RHBDD1: variants seen among roughly 807,000 people sequenced by gnomAD.
RHBDD1 encodes rhomboid domain containing 1, also known as rhomboid-related protein 4.
Under a neutral mutation model 36.3 loss-of-function variants are expected in RHBDD1, and 38 were observed. The ratio of observed to expected loss-of-function variants is 1.05; its 90% CI spans 0.81 to 1.37. The LOEUF (loss-of-function observed/expected upper bound fraction) is 1.37. Among genes scored for constraint, RHBDD1 ranks in the 40% most tolerant of loss-of-function variants. The probability of loss-of-function intolerance (pLI) is 0.00; values close to 1 mark genes in which losing one functional copy is unlikely to be tolerated. For missense variants in RHBDD1, 393 were observed against 377.6 expected, an observed-to-expected ratio of 1.04 and a Z score of -0.34; for synonymous variants, 151 against 136.5, an observed-to-expected ratio of 1.11 and a Z score of -0.74.
chr2:226,849,843 A>G (rs1275546208), intron 3 of RHBDD1, among the ~76,000 whole-genome samples: 1 of 152,236 alleles, frequency 6.6e-6, no homozygotes, highest in African/African-American at 2.4e-5. Flanking sequence ...AGTCATTCAC[A>G]GTGATAGCTC....
chr2:226,913,043 T>C (rs930636542), intron 7 of RHBDD1, among the ~76,000 whole-genome samples: 1 of 152,190 alleles, frequency 6.6e-6, no homozygotes. Context: ...TCATAAAGAA[T>C]ACAACAGTAA....
intron 5 of RHBDD1, among the ~76,000 whole-genome samples, chr2:226,879,003 G>T (rs1377216378): frequency 7.1e-6 from 1 of 141,240 alleles, no homozygotes; most frequent in African/African-American, 2.7e-5. Context: ...TAAATCAGTG[G>T]TTTTCAACTG....
chr2:226,864,235 A>G (rs967481948), intron 3 of RHBDD1, among the ~76,000 whole-genome samples: 2 of 152,174 alleles, frequency 1.3e-5, no homozygotes, highest in Non-Finnish European at 2.9e-5. Flanking sequence ...TGGAGGGGAT[A>G]AAGAATCCTG....
chr2:226,830,224 CATGA>C, the RHBDD1 span, among the ~76,000 whole-genome samples: 2 of 152,162 alleles, frequency 1.3e-5, no homozygotes, highest in South Asian at 2.1e-4. Flanking sequence ...ACAAAACTCT[CATGA>C]ATGAGATCGT....
chr2:226,817,398 G>C, the RHBDD1 span, among the ~76,000 whole-genome samples: 1 of 152,150 alleles, frequency 6.6e-6, no homozygotes, highest in Non-Finnish European at 1.5e-5. Context: ...CCTTATAGTA[G>C]TCAATCAAAA....
At chr2:226,970,043 C>T (rs1469715015) in intron 8 of RHBDD1, among the ~76,000 whole-genome samples, 2 of 132,480 alleles carry the variant, frequency 1.5e-5, no homozygotes, top group African/African-American at 2.8e-5. Context: ...AACCTGGTCA[C>T]ATCGTCATCC....
At chr2:226,961,328 A>T (rs755619944) in intron 8 of RHBDD1, among the ~76,000 whole-genome samples, 4 of 152,180 alleles carry the variant, frequency 2.6e-5, no homozygotes, top group Non-Finnish European at 4.4e-5. Context: ...CCAGGAAAGC[A>T]CTGGGTCTGT....
chr2:226,910,336 C>T lies in RHBDD1; in HGVS notation c.712+1458C>T, dbSNP rs572313543. ...CTGTAAAATTACTATAGTTATATGCCTTTCTCTGAAGTGATTGGATTTCTT... is the reference window on the plus strand; with the variant it reads ...CTGTAAAATTACTATAGTTATATGCTTTTCTCTGAAGTGATTGGATTTCTT... On this transcript the variant is annotated intron_variant, in intron 7 of 8. Coordinates refer to ENST00000392062, the MANE Select transcript of RHBDD1 (RefSeq NM_001167608.3). 2.0e-5 allele frequency among the ~76,000 whole-genome samples: 3 copies of T among 152,242 alleles called. No homozygotes were observed. The South Asian group carries it at 6.2e-4, about 32-fold the overall frequency.
intron 3 of RHBDD1, among the ~76,000 whole-genome samples, chr2:226,847,822 T>C (rs114665002): frequency 6.6e-6 from 1 of 152,326 alleles, no homozygotes; most frequent in African/African-American, 2.4e-5. Flanking sequence ...TCTTAAAAGG[T>C]AGAAAAGCAG....
chr2:226,859,762 T>A (rs1026770340), intron 3 of RHBDD1, among the ~76,000 whole-genome samples: 1 of 152,102 alleles, frequency 6.6e-6, no homozygotes, highest in Non-Finnish European at 1.5e-5. Context: ...ACTGGTGATA[T>A]AAGCATACAG....
chr2:226,855,265 T>TG (rs1035102842), intron 3 of RHBDD1, among the ~76,000 whole-genome samples: 1 of 152,226 alleles, frequency 6.6e-6, no homozygotes, highest in African/African-American at 2.4e-5. Context: ...CTCAATACTT[T>TG]GGGAGGCCAA....
At chr2:226,895,029 C>A (rs1946984964) in intron 5 of RHBDD1, among the ~76,000 whole-genome samples, 1 of 152,076 alleles carries the variant, frequency 6.6e-6, no homozygotes, top group Non-Finnish European at 1.5e-5. Context: ...TAGGGCTGAG[C>A]CCTGGCAGAA....
rs139871503 is a variant in RHBDD1, at chr2:226,906,793, G to T, written c.567G>T (p.Gly189=). 295 of 1,614,086 alleles carry T rather than the reference G, an allele frequency of 1.8e-4. 1 individual carries two copies. The African/African-American group carries it at 3.7e-3, about 20-fold the overall frequency. ...CACAAAGGGTCTCCTTCCCTCCTAG[G>T]ACTTCCTTCGCTGGGCATCTGGCTG... ...ELVAIHLFSP[G]TSFAGHLAGI... The change falls in exon 6 of 9, where the codon GGG becomes GGT. Residue 189 remains glycine, a splice_region_variant and synonymous_variant. Coordinates refer to ENST00000392062, the MANE Select transcript of RHBDD1 (RefSeq NM_001167608.3).
intron 8 of RHBDD1, chr2:226,988,670 C>G: frequency 1.0e-6 from 1 of 984,030 alleles, no homozygotes; most frequent in African/African-American, 1.7e-5. Flanking sequence ...TTTAATATTC[C>G]GAAGGGTTTT....
rs186195530 is a variant in RHBDD1 at position 226,881,684 on chromosome 2, T to G, written c.566+14366T>G. 9.8e-4 allele frequency among the ~76,000 whole-genome samples: 150 copies of G among 152,336 alleles called. 1 individual carries two copies. Among genetic ancestry groups the G allele is most frequent in the African/African-American group, 3.5e-3 (146 of 41,566 alleles). On this transcript the variant is annotated intron_variant, in intron 5 of 8. Coordinates refer to ENST00000392062, the MANE Select transcript of RHBDD1 (RefSeq NM_001167608.3). Reference sequence around the variant, plus strand: ...TGACTTTCTGTATGTTTATTCTAGTTGATAGGTCATCAGCACCATATGAAA... The same window carrying G: ...TGACTTTCTGTATGTTTATTCTAGTGGATAGGTCATCAGCACCATATGAAA...
At chr2:226,991,841 C>G (rs989253108) in intron 8 of RHBDD1, among the ~76,000 whole-genome samples, 2 of 152,134 alleles carry the variant, frequency 1.3e-5, no homozygotes, top group African/African-American at 4.8e-5. Flanking sequence ...TTTTCAGTAG[C>G]CTCCTCTCAC....
At chr2:226,801,540 C>G in the RHBDD1 span, among the ~76,000 whole-genome samples, 1 of 152,138 alleles carries the variant, frequency 6.6e-6, no homozygotes, top group Non-Finnish European at 1.5e-5. Flanking sequence ...TGTTCCCGGT[C>G]GTCATGCAGC....
At chr2:226,939,464 A>G (rs1466746245) in intron 8 of RHBDD1, among the ~76,000 whole-genome samples, 1 of 152,188 alleles carries the variant, frequency 6.6e-6, no homozygotes, top group Non-Finnish European at 1.5e-5. Flanking sequence ...AATTGCTAGC[A>G]TTCCTATACA....
intron 1 of RHBDD1, chr2:226,837,789 C>G (rs1941139104): frequency 6.6e-6 from 1 of 152,230 alleles, no homozygotes; most frequent in African/African-American, 2.4e-5. Context: ...CCTGCCTCGT[C>G]TTCAGTTTAG....
Sources: allele counts gnomAD v4.1 joint callset (sites outside exome capture counted in the v4.1 genomes callset), GRCh38; gene constraint gnomAD v4.1.1; transcripts MANE v1.5; gene names NCBI Gene and HGNC (gene_info 2026-07-23, HGNC 2026-07-21).